RBPJ: variants seen among roughly 807,000 people sequenced by gnomAD.
RBPJ encodes the protein recombining binding protein suppressor of hairless.
A neutral mutation model predicts 67.8 loss-of-function variants in RBPJ; 9 were observed. The observed-to-expected ratio is 0.13, with a 90% CI of 0.08 to 0.23. The LOEUF (loss-of-function observed/expected upper bound fraction) is 0.23. Among genes scored for constraint, RBPJ ranks in the 10% least tolerant of loss-of-function variants. The pLI, the probability that RBPJ is intolerant of heterozygous loss-of-function variation, is 1.00. For missense variants in RBPJ, 305 were observed against 595.6 expected, an observed-to-expected ratio of 0.51 and a Z score of 5.08; for synonymous variants, 198 against 203.3, an observed-to-expected ratio of 0.97 and a Z score of 0.22.
chr4:26,136,808 T>C, the RBPJ span, among the ~76,000 whole-genome samples: 1 of 152,188 alleles, frequency 6.6e-6, no homozygotes, highest in Admixed American at 6.5e-5. Flanking sequence ...TCCTTATTTA[T>C]CTTTTCCCCA....
At chr4:26,163,687 C>G (rs1716147715) in intron 1 of RBPJ, 1 of 152,214 alleles carries the variant, frequency 6.6e-6, no homozygotes, top group Non-Finnish European at 1.5e-5. Flanking sequence ...TAGTTCGTGA[C>G]TTATGAATAA....
At chr4:26,223,531 A>G (rs926383234) in intron 1 of RBPJ, among the ~76,000 whole-genome samples, 1 of 152,250 alleles carries the variant, frequency 6.6e-6, no homozygotes, top group African/African-American at 2.4e-5. Flanking sequence ...CATTCCAAAA[A>G]GAAGATGTCC....
chr4:26,335,897 A>G (rs1326473646), intron 1 of RBPJ, among the ~76,000 whole-genome samples: 1 of 152,120 alleles, frequency 6.6e-6, no homozygotes, highest in African/African-American at 2.4e-5. Context: ...TGCTGGGATT[A>G]CAGGCATGAG....
chr4:26,191,626 A>T (rs1213612588), intron 1 of RBPJ, among the ~76,000 whole-genome samples: 1 of 152,224 alleles, frequency 6.6e-6, no homozygotes, highest in Non-Finnish European at 1.5e-5. Context: ...GTCCTCTCCC[A>T]GCCGAGTCAT....
chr4:26,349,029 T>C (rs1726489193), intron 1 of RBPJ, among the ~76,000 whole-genome samples: 1 of 151,858 alleles, frequency 6.6e-6, no homozygotes, highest in Non-Finnish European at 1.5e-5. Flanking sequence ...TTTAAAGATG[T>C]TTTTAAAAGT....
chr4:26,269,272 T>C (rs1431259058), intron 1 of RBPJ, among the ~76,000 whole-genome samples: 1 of 151,656 alleles, frequency 6.6e-6, no homozygotes, highest in African/African-American at 2.4e-5. Flanking sequence ...ATTTATTTTT[T>C]TGACACAGGG....
At chr4:26,149,302 G>C in the RBPJ span, among the ~76,000 whole-genome samples, 1 of 152,200 alleles carries the variant, frequency 6.6e-6, no homozygotes, top group Non-Finnish European at 1.5e-5. Context: ...CCTCTCTTCA[G>C]TGATTTGTCA....
chr4:26,314,730 G>A (rs376985632), upstream of RBPJ, among the ~76,000 whole-genome samples: 24 of 152,190 alleles, frequency 1.6e-4, no homozygotes, highest in South Asian at 1.2e-3. Context: ...CTGCGGAACC[G>A]TGAGCCAATG....
At chr4:26,215,703 G>C (rs112896480) in intron 1 of RBPJ, among the ~76,000 whole-genome samples, 3 of 152,092 alleles carry the variant, frequency 2.0e-5, no homozygotes, top group South Asian at 2.1e-4. Context: ...ACACTCTCAC[G>C]CTAGGGACCC....
At chr4:26,132,572 C>T in the RBPJ span, among the ~76,000 whole-genome samples, 108 of 152,248 alleles carry the variant, frequency 7.1e-4, no homozygotes, top group African/African-American at 2.5e-3. Context: ...GGACCACCTG[C>T]CCTCCCGCTG....
chr4:26,317,345 A>G (rs1722687311), upstream of RBPJ, among the ~76,000 whole-genome samples: 1 of 152,142 alleles, frequency 6.6e-6, no homozygotes, highest in Non-Finnish European at 1.5e-5. Context: ...CAGGTAGTGG[A>G]AAAAGCAAAG....
chr4:26,211,255 C>A (rs1034145616), intron 1 of RBPJ, among the ~76,000 whole-genome samples: 3 of 152,092 alleles, frequency 2.0e-5, no homozygotes, highest in Non-Finnish European at 2.9e-5. Flanking sequence ...TTTCTGGGGA[C>A]AAATACTCAT....
At chr4:26,289,946 G>A (rs1721611428) in intron 1 of RBPJ, among the ~76,000 whole-genome samples, 1 of 150,654 alleles carries the variant, frequency 6.6e-6, no homozygotes, top group East Asian at 2.0e-4. Flanking sequence ...GTACCTACCT[G>A]TAATATAAAT....
chr4:26,302,640 G>A lies in RBPJ; in HGVS notation c.-166-59806G>A, dbSNP rs371526009. 6.6e-5 allele frequency among the ~76,000 whole-genome samples: 10 copies of A among 152,258 alleles called. No individual in the cohort carries two copies. The South Asian group carries it at 1.5e-3, about 22-fold the overall frequency. On this transcript the variant is annotated intron_variant, in intron 1 of 4. Transcript: ENST00000512351. ...AATGTCAGAGGAGTATCCAGCATTC[G>A]CATTCTAGCAATGTCTGTAACTGTG...
At chr4:26,245,909 T>C (rs527973722) in intron 1 of RBPJ, among the ~76,000 whole-genome samples, 1 of 152,240 alleles carries the variant, frequency 6.6e-6, no homozygotes, top group South Asian at 2.1e-4. Context: ...CTAAATTCAA[T>C]TCTTTCACTC....
At chr4:26,130,794 G>T in the RBPJ span, among the ~76,000 whole-genome samples, 2 of 152,046 alleles carry the variant, frequency 1.3e-5, no homozygotes, top group Non-Finnish European at 2.9e-5. Flanking sequence ...TATAAACCAG[G>T]TTTTTAAAAA....
At chr4:26,290,850 C>T (rs755930267) in intron 1 of RBPJ, among the ~76,000 whole-genome samples, 3 of 150,772 alleles carry the variant, frequency 2.0e-5, no homozygotes, top group African/African-American at 4.9e-5. Flanking sequence ...TCTCCTCCTT[C>T]GAGAAGAGAA....
chr4:26,340,874 A>G (rs1725448332), intron 1 of RBPJ, among the ~76,000 whole-genome samples: 1 of 138,040 alleles, frequency 7.2e-6, no homozygotes. Flanking sequence ...AAACAAAAGA[A>G]AAAAAAAAAA....
intron 1 of RBPJ, among the ~76,000 whole-genome samples, chr4:26,184,097 G>C (rs1282452964): frequency 6.6e-6 from 1 of 150,980 alleles, no homozygotes; most frequent in African/African-American, 2.4e-5. Flanking sequence ...CAGGAGAATC[G>C]CTTGAACCTG....
Sources: gnomAD v4.1 joint callset for allele counts (sites outside exome capture counted in the v4.1 genomes callset) on GRCh38, gnomAD v4.1.1 for gene constraint, MANE v1.5 for transcripts, NCBI Gene and HGNC (gene_info 2026-07-23, HGNC 2026-07-21) for gene names.